Variants in CNTLN observed in about 807,000 individuals in gnomAD.
CNTLN encodes the protein centlein, centrosomal protein.
In CNTLN, 212 loss-of-function variants were observed where a neutral mutation model predicts 180.0. The observed-to-expected ratio is 1.18, with a 90% CI of 1.05 to 1.32. The LOEUF is 1.32. CNTLN is among the 40% of genes most tolerant of loss of function. The pLI, the probability that CNTLN is intolerant of heterozygous loss-of-function variation, is 0.00. For missense variants in CNTLN, 2,095 were observed against 1,610.9 expected (o/e 1.30, Z -5.14); for synonymous variants, 722 against 563.1 (o/e 1.28, Z -3.99).
chr9:17,162,399 C>G (rs1439013543), intron 2 of CNTLN, among the ~76,000 whole-genome samples: 1 of 152,202 alleles, frequency 6.6e-6, no homozygotes, highest in African/African-American at 2.4e-5. Context: ...CAGGCGTGAG[C>G]CACCGCACCC....
intron 2 of CNTLN, among the ~76,000 whole-genome samples, chr9:17,211,916 A>C (rs1263924578): frequency 6.6e-6 from 1 of 152,126 alleles, no homozygotes; most frequent in African/African-American, 2.4e-5. Flanking sequence ...GTATCCTGAG[A>C]CTTTGCTCAA....
chr9:17,495,190 C>T (rs72614237), intron 25 of CNTLN, among the ~76,000 whole-genome samples: 46,769 of 151,486 alleles, frequency 0.31, 8,103 homozygotes, highest in East Asian at 0.51. Context: ...TACTATGCTA[C>T]GCATTTTATC....
At chr9:17,252,335 C>A (rs1248399570) in intron 5 of CNTLN, among the ~76,000 whole-genome samples, 3 of 151,598 alleles carry the variant, frequency 2.0e-5, no homozygotes, top group Non-Finnish European at 4.4e-5. Context: ...TTAGTTGTTA[C>A]ACTAATTTAC....
rs535490216 is a variant in CNTLN, at chr9:17,396,231, C to A, written c.2615+1162C>A. Reference sequence around the variant, plus strand: ...CAGGGCTACTCTGTCTATGGAATAGCCATTCTTTTATTCCTTTACTTTCTT... The same window carrying A: ...CAGGGCTACTCTGTCTATGGAATAGACATTCTTTTATTCCTTTACTTTCTT... On this transcript the variant is annotated intron_variant, in intron 15 of 25. Coordinates refer to ENST00000380647, the MANE Select transcript of CNTLN (RefSeq NM_017738.4). Among the ~76,000 whole-genome samples the A allele has an allele frequency of 5.3e-5, 8 of 152,302 alleles. No homozygotes were observed. In the South Asian group the frequency reaches 1.0e-3, roughly 20 times the overall value.
chr9:17,148,531 T>C (rs1818613736), intron 2 of CNTLN, among the ~76,000 whole-genome samples: 1 of 152,214 alleles, frequency 6.6e-6, no homozygotes, highest in East Asian at 1.9e-4. Context: ...AACCCATTGT[T>C]TTCTCCCTAT....
At position 17,394,527 on chromosome 9, in the gene CNTLN, C is replaced by T. The variant is rs756460543; in HGVS notation, c.2080-7C>T. On this transcript the variant is annotated splice_polypyrimidine_tract_variant and splice_region_variant and intron_variant, in intron 14 of 25. Coordinates refer to ENST00000380647, the MANE Select transcript of CNTLN (RefSeq NM_017738.4). Reference sequence around the variant, plus strand: ...GGATTCTTAAAAGAATAAACTCTTTCCTTTAGGTCACTGAGTTGGAAAATC... The same window carrying T: ...GGATTCTTAAAAGAATAAACTCTTTTCTTTAGGTCACTGAGTTGGAAAATC... 10 of 1,512,796 alleles carry T rather than the reference C, an allele frequency of 6.6e-6. No individual in the cohort carries two copies. In the African/African-American group the frequency reaches 1.4e-4, roughly 21 times the overall value. 93.7% of individuals were successfully genotyped at this position (1,512,796 alleles called of 1,614,324 possible). A position where few individuals can be genotyped will look rare whatever the true frequency, so the allele number is the denominator to read the frequency against.
rs369331908 is a variant in CNTLN, at chr9:17,343,105, T to C, written c.1886+661T>C. 7.2e-5 allele frequency among the ~76,000 whole-genome samples: 11 copies of C among 152,372 alleles called. No homozygotes were observed. In the South Asian group the frequency reaches 8.3e-4, roughly 11 times the overall value. ...ATAGGTGTTTTAGCTGCCCTAAGTA[T>C]AAAACTTGATGAAGGATACTCATAT... is the stretch of plus-strand genomic sequence containing the variant. On this transcript the variant is annotated intron_variant, in intron 12 of 25. Transcript: ENST00000380647.
intron 8 of CNTLN, among the ~76,000 whole-genome samples, chr9:17,320,351 T>TA (rs758301170): frequency 6.6e-5 from 10 of 152,196 alleles, no homozygotes; most frequent in Non-Finnish European, 1.3e-4. Context: ...CTGTCACAAA[T>TA]AATCTTGATT....
At chr9:17,482,222 A>G (rs749722980) in intron 23 of CNTLN, among the ~76,000 whole-genome samples, 9 of 152,214 alleles carry the variant, frequency 5.9e-5, no homozygotes, top group Non-Finnish European at 1.2e-4. Flanking sequence ...TCAAACTGAG[A>G]GGTATTATAT....
Position 17,143,347 on chromosome 9 carries a change from C to T in CNTLN, c.420C>T (p.Leu140=), listed in dbSNP as rs1255221926. 3 of 1,613,494 alleles carry T rather than the reference C, an allele frequency of 1.9e-6. No individual in the cohort carries two copies. Among genetic ancestry groups the T allele is most frequent in the African/African-American group, 2.7e-5 (2 of 74,886 alleles). Residue 140 remains leucine (L), a synonymous_variant, in exon 2 of 26, where the codon CTC becomes CTT. Transcript: ENST00000380647. ...WKRLQVTNPD[L]TQVVSLVVER... ...GTCTCCAGGTTACAAACCCAGATCT[C>T]ACACAAGTGGTCAGTTTGGTTGTGG...
intron 15 of CNTLN, among the ~76,000 whole-genome samples, chr9:17,395,405 C>T (rs1826443021): frequency 6.6e-6 from 1 of 152,092 alleles, no homozygotes; most frequent in South Asian, 2.1e-4. Flanking sequence ...GCATATTCAC[C>T]ACTGACAGCT....
intron 2 of CNTLN, among the ~76,000 whole-genome samples, chr9:17,222,670 C>T (rs1824220387): frequency 6.6e-6 from 1 of 151,996 alleles, no homozygotes; most frequent in South Asian, 2.1e-4. Flanking sequence ...TCGGGTATGT[C>T]TTTATCAGCA....
intron 6 of CNTLN, among the ~76,000 whole-genome samples, chr9:17,293,074 G>C (rs539969894): frequency 3.7e-4 from 57 of 152,316 alleles, no homozygotes; most frequent in Non-Finnish European, 7.2e-4. Context: ...CTATTCACTT[G>C]GGTCCCTTCT....
At chr9:17,220,264 A>G (rs564830295) in intron 2 of CNTLN, among the ~76,000 whole-genome samples, 1 of 152,148 alleles carries the variant, frequency 6.6e-6, no homozygotes, top group East Asian at 1.9e-4. Context: ...GGAAGCTGTA[A>G]TAATGCTTTT....
chr9:17,498,068 C>G (rs537300499), intron 25 of CNTLN, among the ~76,000 whole-genome samples: 1 of 152,188 alleles, frequency 6.6e-6, no homozygotes, highest in African/African-American at 2.4e-5. Flanking sequence ...TTTTATCTTA[C>G]AAGAAGTATC....
intron 2 of CNTLN, among the ~76,000 whole-genome samples, chr9:17,208,337 A>G (rs923140479): frequency 9.9e-5 from 15 of 152,132 alleles, no homozygotes; most frequent in African/African-American, 3.6e-4. Context: ...GTCATGATGA[A>G]TGACCTTTTT....
intron 2 of CNTLN, among the ~76,000 whole-genome samples, chr9:17,205,663 C>A (rs1018557465): frequency 6.6e-6 from 1 of 152,226 alleles, no homozygotes; most frequent in African/African-American, 2.4e-5. Flanking sequence ...TGTATACCAA[C>A]TCTTGGTCAG....
At chr9:17,486,816 G>A (rs1588097152) in intron 24 of CNTLN, among the ~76,000 whole-genome samples, 173 bp from the exon 25 acceptor site, 1 of 151,990 alleles carries the variant, frequency 6.6e-6, no homozygotes, top group Non-Finnish European at 1.5e-5. Flanking sequence ...AGTACGTATC[G>A]ATAAATTAAA....
At chr9:17,176,235 AT>A (rs1191492727) in intron 2 of CNTLN, among the ~76,000 whole-genome samples, 8 of 149,272 alleles carry the variant, frequency 5.4e-5, no homozygotes, top group Admixed American at 2.0e-4. Context: ...TTTTTTGTAA[AT>A]TTTTTTTTTA....
Sources: gnomAD v4.1 joint callset for allele counts (sites outside exome capture counted in the v4.1 genomes callset) on GRCh38, gnomAD v4.1.1 for gene constraint, MANE v1.5 for transcripts, NCBI Gene and HGNC (gene_info 2026-07-23, HGNC 2026-07-21) for gene names.